SMC1B: variants seen among roughly 807,000 people sequenced by gnomAD.
The protein encoded by SMC1B is structural maintenance of chromosomes protein 1B.
Under a neutral mutation model 157.9 loss-of-function variants are expected in SMC1B, and 60 were observed. The ratio of observed to expected loss-of-function variants is 0.38; its 90% CI spans 0.31 to 0.47. The LOEUF (loss-of-function observed/expected upper bound fraction) is 0.47. Among genes scored for constraint, SMC1B ranks in the 20% least tolerant of loss-of-function variants. The pLI, the probability that SMC1B is intolerant of heterozygous loss-of-function variation, is 0.99. For synonymous variants in SMC1B, 445 were observed against 483.0 expected (o/e 0.92, Z 1.03); for missense variants, 1,165 against 1,426.2 (o/e 0.82, Z 2.95).
At chr22:45,392,811 C>T (rs2087076552) in intron 9 of SMC1B, among the ~76,000 whole-genome samples, 2 of 152,098 alleles carry the variant, frequency 1.3e-5, no homozygotes, top group Admixed American at 6.5e-5. Flanking sequence ...AGCGATTCTC[C>T]TACCTCACCC....
intron 1 of SMC1B, among the ~76,000 whole-genome samples, chr22:45,409,564 CTAAA>C (rs71770434): frequency 0.14 from 20,074 of 140,598 alleles, 1,816 homozygotes; most frequent in Non-Finnish European, 0.21. Flanking sequence ...GACTCCAACT[CTAAA>C]TAAATAAATA....
At chr22:45,350,909 C>T (rs1239880452) in intron 22 of SMC1B, among the ~76,000 whole-genome samples, 1 of 152,218 alleles carries the variant, frequency 6.6e-6, no homozygotes, top group Non-Finnish European at 1.5e-5. Context: ...CCTGTGCCTG[C>T]CACTGCTGCA....
At position 45,383,578 on chromosome 22, in the gene SMC1B, A is replaced by G. The variant is rs1414150117; in HGVS notation, c.1947T>C (p.Ser649=). The G allele has an allele frequency of 6.3e-7, 1 of 1,599,944 alleles. No individual in the cohort carries two copies. Among genetic ancestry groups the G allele is most frequent in the East Asian group, 2.2e-5 (1 of 44,568 alleles). Residue 649 remains serine (S), a synonymous_variant, in exon 12 of 25, where the codon TCT becomes TCC. Coordinates refer to ENST00000357450, the MANE Select transcript of SMC1B (RefSeq NM_148674.5). ...VALDGTLFLK[S]GVISGGSSDL... ...CACTTGACCCTCCAGAGATCACTCC[A>G]GATTTTAAAAATAATGTTCCATCAA...
chr22:45,413,594 G>C lies in SMC1B; in HGVS notation c.-27C>G, dbSNP rs773825952. The C allele has an allele frequency of 2.6e-6, 4 of 1,567,712 alleles. No homozygotes were observed. The highest frequency in any genetic ancestry group is 1.2e-5 in the South Asian group (1 of 86,342). On this transcript the variant is annotated 5_prime_UTR_variant, in exon 1 of 25. Transcript: ENST00000357450. ...GCGCCGCCCTCCACGCCTCACCCGC[G>C]TTATCAAGCGCCCGCGGAAAAAGCG...
At chr22:45,383,237 C>A (rs1398555427) in intron 12 of SMC1B, among the ~76,000 whole-genome samples, 1 of 152,066 alleles carries the variant, frequency 6.6e-6, no homozygotes, top group Admixed American at 6.6e-5. Context: ...CATACACTTG[C>A]ACACACAAAG....
At chr22:45,408,309 T>TAG (rs1451312034) in intron 2 of SMC1B, among the ~76,000 whole-genome samples, 34 of 152,218 alleles carry the variant, frequency 2.2e-4, no homozygotes, top group Non-Finnish European at 4.7e-4. Flanking sequence ...GTATTTTTAG[T>TAG]AGAGACGGGG....
In SMC1B at chr22:45,393,856, C is replaced by T. The variant is rs575291390; in HGVS notation, c.1338-15G>A. ...TCAAGCAATCCCTACAAAATAACAACAAATTATACAGCAAAATGATAAACC... is the reference window on the plus strand; with the variant it reads ...TCAAGCAATCCCTACAAAATAACAATAAATTATACAGCAAAATGATAAACC... On this transcript the variant is annotated splice_polypyrimidine_tract_variant and intron_variant, in intron 8 of 24. Transcript: ENST00000357450. 6.3e-6 allele frequency: 10 copies of T among 1,582,288 alleles called. 1 individual carries two copies. In the East Asian group the frequency reaches 1.3e-4, roughly 21 times the overall value.
At position 45,359,558 on chromosome 22, in the gene SMC1B, A is replaced by G. The variant is rs553425151; in HGVS notation, c.2862+247T>C. ...CATACTGCCTGTGGCTCATTGTGCAAAAACATTCTTGACTCCAACAACTTT... is the reference window on the plus strand; with the variant it reads ...CATACTGCCTGTGGCTCATTGTGCAGAAACATTCTTGACTCCAACAACTTT... On this transcript the variant is annotated intron_variant, in intron 18 of 24. Transcript: ENST00000357450. Among the ~76,000 whole-genome samples the G allele has an allele frequency of 6.6e-5, 10 of 152,330 alleles. No individual in the cohort carries two copies. The South Asian group carries it at 2.1e-3, about 32-fold the overall frequency.
Position 45,395,769 on chromosome 22 carries a change from A to C in SMC1B, c.1254+577T>G, listed in dbSNP as rs1305932455. Among the ~76,000 whole-genome samples the C allele has an allele frequency of 2.0e-5, 3 of 152,212 alleles. No individual in the cohort carries two copies. The East Asian group carries it at 5.8e-4, about 29-fold the overall frequency. On this transcript the variant is annotated intron_variant, in intron 7 of 24. Coordinates refer to ENST00000357450, the MANE Select transcript of SMC1B (RefSeq NM_148674.5). ...CTACTCAGGAGGCTGAGACAGGAGA[A>C]TTGCCTGAACCTGGGAGGCGGAGGT...
intron 15 of SMC1B, among the ~76,000 whole-genome samples, chr22:45,368,517 G>GTT (rs964475686): frequency 2.3e-4 from 32 of 138,588 alleles, no homozygotes; most frequent in Admixed American, 2.9e-4. Flanking sequence ...TTCTGAAATA[G>GTT]TTTTTTTTTT....
At chr22:45,373,083 G>T (rs907043677) in intron 12 of SMC1B, among the ~76,000 whole-genome samples, 11 of 152,144 alleles carry the variant, frequency 7.2e-5, no homozygotes, top group African/African-American at 2.2e-4. Context: ...CTATAACTTG[G>T]AAGTGCTTTC....
chr22:45,403,172 A>C (rs1431534360), intron 4 of SMC1B, among the ~76,000 whole-genome samples: 1 of 152,242 alleles, frequency 6.6e-6, no homozygotes. Context: ...ACAATTAGGA[A>C]GTTGTTTCGT....
intron 13 of SMC1B, 81 bp downstream of exon 13, chr22:45,372,074 C>A: frequency 1.7e-6 from 2 of 1,185,716 alleles, no homozygotes; most frequent in South Asian, 1.9e-5. Context: ...CTGAAAATTA[C>A]ATGGAGCTAT....
intron 12 of SMC1B, among the ~76,000 whole-genome samples, chr22:45,375,654 A>G (rs773403906): frequency 6.6e-6 from 1 of 152,214 alleles, no homozygotes; most frequent in Non-Finnish European, 1.5e-5. Flanking sequence ...AGTAGTATTT[A>G]AACTAGGTCT....
chr22:45,387,108 A>T (rs1001091078), intron 10 of SMC1B, 62 bp from the exon 11 acceptor site: 1 of 1,366,152 alleles, frequency 7.3e-7, no homozygotes, highest in African/African-American at 1.5e-5. Flanking sequence ...AATGTTCATT[A>T]TATTCTTTCT....
At chr22:45,390,933 A>G (rs1050117425) in intron 9 of SMC1B, among the ~76,000 whole-genome samples, 2 of 152,178 alleles carry the variant, frequency 1.3e-5, no homozygotes, top group African/African-American at 4.8e-5. Flanking sequence ...CCATTTTCCT[A>G]TGATAAACCA....
At chr22:45,380,784 G>T (rs1210111474) in intron 12 of SMC1B, among the ~76,000 whole-genome samples, 1 of 151,982 alleles carries the variant, frequency 6.6e-6, no homozygotes, top group Non-Finnish European at 1.5e-5. Flanking sequence ...AAATTAGCAG[G>T]GCCTGGTGGT....
At chr22:45,347,100 C>T (rs150137402) in intron 23 of SMC1B, among the ~76,000 whole-genome samples, 66 of 152,314 alleles carry the variant, frequency 4.3e-4, no homozygotes, top group African/African-American at 1.5e-3. Flanking sequence ...AATTCTCCTC[C>T]TAAGGGGAGA....
rs1280466793 is a variant in SMC1B at position 45,389,803 on chromosome 22, A to G, written c.1640T>C (p.Val547Ala). The G allele has an allele frequency of 6.2e-7, 1 of 1,614,102 alleles. No individual in the cohort carries two copies. Among genetic ancestry groups the G allele is most frequent in the South Asian group, 1.1e-5 (1 of 91,086 alleles). The change falls in exon 10 of 25, where the codon GTA becomes GCA. Residue 547 changes from valine (V) to alanine (A), a missense_variant. By Grantham distance (64) the Val-to-Ala change is moderately conservative. Coordinates refer to ENST00000357450, the MANE Select transcript of SMC1B (RefSeq NM_148674.5). ...VFGRFITAIV[V>A]ASEKVAKDCI... ...ATCTTTTGCTACCTTTTCAGAGGCT[A>G]CAACAATGGCAGTGATGAACCGGCC...
Sources: gnomAD v4.1 joint callset for allele counts (sites outside exome capture counted in the v4.1 genomes callset) on GRCh38, gnomAD v4.1.1 for gene constraint, MANE v1.5 for transcripts, NCBI Gene and HGNC (gene_info 2026-07-23, HGNC 2026-07-21) for gene names.